TSR2: variants seen among roughly 807,000 people sequenced by gnomAD.
The protein encoded by TSR2 is TSR2 ribosome maturation factor.
In TSR2, 1 loss-of-function variant was observed where a neutral mutation model predicts 13.3. That is an observed-to-expected ratio of 0.08 (90% confidence interval 0.03 to 0.36). The LOEUF (loss-of-function observed/expected upper bound fraction) is 0.36. TSR2 is among the 10% of genes least tolerant of loss of function. TSR2 has a pLI of 0.99. For synonymous variants in TSR2, 60 were observed against 57.7 expected (o/e 1.04, Z -0.18); for missense variants, 120 against 151.1 (o/e 0.79, Z 1.08).
At chrX:54,440,647 C>T in intron 1 of TSR2, 43 bp from the exon 2 acceptor site, 1 of 1,186,000 alleles carries the variant, frequency 8.4e-7, no homozygotes, top group Non-Finnish European at 1.1e-6. Context: ...TACTCCAGGT[C>T]TGCTCCCAAG....
chrX:54,444,133 T>C lies in TSR2; in HGVS notation c.390T>C (p.Ala130=), dbSNP rs915577976. 30 of 1,209,992 alleles carry C rather than the reference T, an allele frequency of 2.5e-5. No homozygotes were observed. Among genetic ancestry groups the C allele is most frequent in the Non-Finnish European group, 3.4e-5 (30 of 895,212 alleles). The change falls in exon 4 of 5, where the codon GCT becomes GCC. Residue 130 remains alanine, a synonymous_variant. Coordinates refer to ENST00000375151, the MANE Select transcript of TSR2 (RefSeq NM_058163.3). ...CKVTATALKT[A]RETDEDEDDV... ...TCACAGCCACTGCACTTAAGACAGC[T>C]AGAGAGACTGATGAGGATGAAGATG... is the stretch of plus-strand genomic sequence containing the variant.
rs1322727878 is a variant in TSR2, at chrX:54,448,025, T to TA, written c.*3482dup. On this transcript the variant is annotated 3_prime_UTR_variant, in exon 5 of 5. Transcript: ENST00000375151. ...TTAAATAAATACCTAGATTTGTTTT[T>TA]AAAAAAATCTCCAAAATGTGTGTTT... Among the ~76,000 whole-genome samples, 1 of 111,748 alleles carries TA rather than the reference T, an allele frequency of 8.9e-6. No individual in the cohort carries two copies. Among genetic ancestry groups the TA allele is most frequent in the African/African-American group, 3.3e-5 (1 of 30,739 alleles).
chrX:54,443,282 C>G, intron 2 of TSR2, 118 bp from the exon 3 acceptor site: 1 of 500,355 alleles, frequency 2.0e-6, no homozygotes, highest in Non-Finnish European at 3.5e-6. Flanking sequence ...AGATAAAAGG[C>G]TCACTGTGCC....
Position 54,447,417 on chromosome X carries a change from C to T in TSR2, c.*2867C>T. On this transcript the variant is annotated 3_prime_UTR_variant, in exon 5 of 5. Coordinates refer to ENST00000375151, the MANE Select transcript of TSR2 (RefSeq NM_058163.3). ...CTTCTCCATGTAGTGCAGGAAGCTG[C>T]AGATGACGCTGTTCTCTGCAGCCAC... is the stretch of plus-strand genomic sequence containing the variant. 8.3e-7 allele frequency: 1 copy of T among 1,211,430 alleles called. No homozygotes were observed. The highest frequency in any genetic ancestry group is 1.1e-6 in the Non-Finnish European group (1 of 895,145).
In TSR2 at chrX:54,440,888, A is replaced by G. The variant is rs1239770852; in HGVS notation, c.172+108A>G. On this transcript the variant is annotated intron_variant, in intron 2 of 4. Transcript: ENST00000375151. ...CTCGAGCAGTTGTGGATTGGTACCTAAAGGTGAGGTGGAATGAATTCAGCT... is the reference window on the plus strand; with the variant it reads ...CTCGAGCAGTTGTGGATTGGTACCTGAAGGTGAGGTGGAATGAATTCAGCT... 1.2e-5 allele frequency: 7 copies of G among 563,272 alleles called. 1 individual carries two copies. In the Admixed American group the frequency reaches 2.7e-4, roughly 22 times the overall value. 46.4% of individuals were successfully genotyped at this position (563,272 alleles called of 1,213,427 possible). A position where few individuals can be genotyped will look rare whatever the true frequency, so the allele number is the denominator to read the frequency against.
Position 54,446,211 on chromosome X carries a change from C to T in TSR2, c.*1661C>T. ...TCTCCCTGTCCTCAGACAGTGTGGG[C>T]CCCGGGCAGAACGTGTCCCCTCGGC... On this transcript the variant is annotated 3_prime_UTR_variant, in exon 5 of 5. Coordinates refer to ENST00000375151, the MANE Select transcript of TSR2 (RefSeq NM_058163.3). The T allele has an allele frequency of 3.3e-6, 4 of 1,211,520 alleles. No homozygotes were observed. Among genetic ancestry groups the T allele is most frequent in the East Asian group, 3.0e-5 (1 of 33,829 alleles).
At chrX:54,440,584 T>G in intron 1 of TSR2, 82 bp downstream of exon 1, 1 of 1,128,085 alleles carries the variant, frequency 8.9e-7, no homozygotes, top group East Asian at 3.1e-5. Context: ...TGCCTGAGGC[T>G]TGGCTAGGCG....
intron 1 of TSR2, 27 bp downstream of exon 1, chrX:54,440,529 G>A: frequency 8.7e-7 from 1 of 1,146,559 alleles, no homozygotes; most frequent in Non-Finnish European, 1.2e-6. Context: ...CCAGGGCAAG[G>A]TCAAGGTTAG....
Position 54,447,341 on chromosome X carries a change from G to C in TSR2, c.*2791G>C, listed in dbSNP as rs747770906. The C allele has an allele frequency of 8.3e-7, 1 of 1,210,468 alleles. No homozygotes were observed. ...GGGCTCCGTAGATATACAGCACCAAGGGTTCATTTTCAGGGACCACGAACC... is the reference window on the plus strand; with the variant it reads ...GGGCTCCGTAGATATACAGCACCAACGGTTCATTTTCAGGGACCACGAACC... On this transcript the variant is annotated 3_prime_UTR_variant, in exon 5 of 5. Coordinates refer to ENST00000375151, the MANE Select transcript of TSR2 (RefSeq NM_058163.3).
chrX:54,446,046 G>T lies in TSR2; in HGVS notation c.*1496G>T. 1.1e-6 allele frequency: 1 copy of T among 932,834 alleles called. No individual in the cohort carries two copies. Among genetic ancestry groups the T allele is most frequent in the South Asian group, 2.2e-5 (1 of 44,690 alleles). The allele number at this position is 932,834 out of a possible 1,213,427, so 76.9% of individuals were successfully genotyped here. On this transcript the variant is annotated 3_prime_UTR_variant, in exon 5 of 5. Coordinates refer to ENST00000375151, the MANE Select transcript of TSR2 (RefSeq NM_058163.3). ...CTGAGCTGGGAGGGAAGGGGCTAGA[G>T]CCCCCAATCAGACATGGGCAACTAG...
intron 2 of TSR2, among the ~76,000 whole-genome samples, chrX:54,442,649 A>G (rs1257135475): frequency 9.0e-6 from 1 of 111,612 alleles, no homozygotes; most frequent in African/African-American, 3.3e-5. Flanking sequence ...ATTCAGAAAA[A>G]GTAGAGCATA....
At chrX:54,443,647 C>T (rs981960393) in intron 3 of TSR2, among the ~76,000 whole-genome samples, 156 bp downstream of exon 3, 2 of 111,707 alleles carry the variant, frequency 1.8e-5, no homozygotes, top group African/African-American at 3.3e-5. Flanking sequence ...TTCTATACAT[C>T]ATTCCCATCC....
rs1435159135 is a variant in TSR2, at chrX:54,444,590, G to C, written c.*40G>C. The C allele has an allele frequency of 8.5e-7, 1 of 1,181,142 alleles. No homozygotes were observed. Among genetic ancestry groups the C allele is most frequent in the African/African-American group, 1.8e-5 (1 of 56,526 alleles). ...AAATGGCTTTGGGCCCTTATTTGCT[G>C]TTCTAAGAGTTGTCTGTAGGGGTTT... is the stretch of plus-strand genomic sequence containing the variant. On this transcript the variant is annotated 3_prime_UTR_variant, in exon 5 of 5. Coordinates refer to ENST00000375151, the MANE Select transcript of TSR2 (RefSeq NM_058163.3).
Position 54,444,750 on chromosome X carries a change from T to C in TSR2, c.*200T>C. ...GGGGGTGGGGGGACCTTTTCCAGCA[T>C]ATTCCCCTGGGCCTTTAGTTAACAT... On this transcript the variant is annotated 3_prime_UTR_variant, in exon 5 of 5. Transcript: ENST00000375151. 2.8e-6 allele frequency: 1 copy of C among 356,713 alleles called. No homozygotes were observed. The highest frequency in any genetic ancestry group is 4.9e-6 in the Non-Finnish European group (1 of 204,273). The allele number at this position is 356,713 out of a possible 1,213,427, so 29.4% of individuals were successfully genotyped here.
At position 54,447,067 on chromosome X, in the gene TSR2, C is replaced by T. The variant is rs1433955040; in HGVS notation, c.*2517C>T. Among the ~76,000 whole-genome samples, 1 of 111,507 alleles carries T rather than the reference C, an allele frequency of 9.0e-6. No individual in the cohort carries two copies. Among genetic ancestry groups the T allele is most frequent in the African/African-American group, 3.3e-5 (1 of 30,679 alleles). On this transcript the variant is annotated 3_prime_UTR_variant, in exon 5 of 5. Transcript: ENST00000375151. ...CCACTCCAAATTGGACCTAGCAGTTCCCCATCTCTACTCCTTCCAGGAAGC... is the reference window on the plus strand; with the variant it reads ...CCACTCCAAATTGGACCTAGCAGTTTCCCATCTCTACTCCTTCCAGGAAGC...
chrX:54,440,512 G>T lies in TSR2; in HGVS notation c.81+10G>T. 8.8e-7 allele frequency: 1 copy of T among 1,142,009 alleles called. No individual in the cohort carries two copies. The highest frequency in any genetic ancestry group is 1.2e-6 in the Non-Finnish European group (1 of 861,302). 94.1% of individuals were successfully genotyped at this position (1,142,009 alleles called of 1,213,427 possible). A position where few individuals can be genotyped will look rare whatever the true frequency, so the allele number is the denominator to read the frequency against. On this transcript the variant is annotated intron_variant, in intron 1 of 4. Transcript: ENST00000375151. The stretch of plus-strand genomic sequence containing the variant: ...CTGGCCGGCCTTGCAGGTCAGTGGG[G>T]CCAGGGCCAGGGCAAGGTCAAGGTT...
rs1601945451 is a variant in TSR2 at position 54,444,694 on chromosome X, A to G, written c.*144A>G. On this transcript the variant is annotated 3_prime_UTR_variant, in exon 5 of 5. Transcript: ENST00000375151. ...CCTGTTCCTCTGTCTGGCTCCCTCC[A>G]GGGCAAGGAAAACCTAGGGTCCTTG... 5.0e-6 allele frequency: 3 copies of G among 594,602 alleles called. No homozygotes were observed. The East Asian group carries it at 1.1e-4, about 23-fold the overall frequency. 49.0% of individuals were successfully genotyped at this position (594,602 alleles called of 1,213,427 possible). A position where few individuals can be genotyped will look rare whatever the true frequency, so the allele number is the denominator to read the frequency against.
chrX:54,444,196 GC>G lies in TSR2; in HGVS notation c.441+17del. ...TGGAAGAGATGGAGGTGAAGTGGGT[GC>G]CCCCTGGGTTGGGGGATACAGATGT... is the stretch of plus-strand genomic sequence containing the variant. On this transcript the variant is annotated intron_variant, in intron 4 of 4. Transcript: ENST00000375151. 8.3e-7 allele frequency: 1 copy of G among 1,201,501 alleles called. No homozygotes were observed.
At position 54,446,047 on chromosome X, in the gene TSR2, C is replaced by T; in HGVS notation, c.*1497C>T. On this transcript the variant is annotated 3_prime_UTR_variant, in exon 5 of 5. Transcript: ENST00000375151. The stretch of plus-strand genomic sequence containing the variant: ...TGAGCTGGGAGGGAAGGGGCTAGAG[C>T]CCCCAATCAGACATGGGCAACTAGA... The T allele has an allele frequency of 1.1e-6, 1 of 939,332 alleles. No homozygotes were observed. Among genetic ancestry groups the T allele is most frequent in the Non-Finnish European group, 1.5e-6 (1 of 671,754 alleles). The allele number at this position is 939,332 out of a possible 1,213,427, so 77.4% of individuals were successfully genotyped here. A position where few individuals can be genotyped will look rare whatever the true frequency, so the allele number is the denominator to read the frequency against.
Sources: gnomAD v4.1 joint callset for allele counts (sites outside exome capture counted in the v4.1 genomes callset) on GRCh38, gnomAD v4.1.1 for gene constraint, MANE v1.5 for transcripts, NCBI Gene and HGNC (gene_info 2026-07-23, HGNC 2026-07-21) for gene names.